Variants in GPC5 observed in about 807,000 individuals in gnomAD.
GPC5 encodes the protein glypican-5.
Under a neutral mutation model 53.9 loss-of-function variants are expected in GPC5, and 47 were observed. The ratio of observed to expected loss-of-function variants is 0.87; its 90% CI spans 0.69 to 1.11. The LOEUF (loss-of-function observed/expected upper bound fraction) is 1.11, where lower values mean the gene tolerates loss of function less well. GPC5 is among the 50% of genes most tolerant of loss of function. The pLI is 0.00. For missense variants in GPC5, 748 were observed against 713.1 expected (o/e 1.05, Z -0.56); for synonymous variants, 286 against 263.3 (o/e 1.09, Z -0.84).
At chr13:92,103,276 A>G (rs2041481269) in intron 6 of GPC5, among the ~76,000 whole-genome samples, 1 of 152,096 alleles carries the variant, frequency 6.6e-6, no homozygotes, top group African/African-American at 2.4e-5. Flanking sequence ...ATTGCTGAGA[A>G]CATAACTGAG....
At chr13:92,251,876 C>T (rs2042695055) in intron 7 of GPC5, among the ~76,000 whole-genome samples, 1 of 152,132 alleles carries the variant, frequency 6.6e-6, no homozygotes, top group South Asian at 2.1e-4. Context: ...CCAGAGGAAG[C>T]TGGTTCCCAT....
rs189698886 is a variant in GPC5 at position 92,004,104 on chromosome 13, A to T, written c.1401+96047A>T. On this transcript the variant is annotated intron_variant, in intron 6 of 7. Transcript: ENST00000377067. ...CTCAAGATTTTGTTACTGTAAAAAC[A>T]GTTTTGACTTTATTTTCCCAAAGTG... is the stretch of plus-strand genomic sequence containing the variant. Among the ~76,000 whole-genome samples the T allele has an allele frequency of 1.1e-4, 17 of 152,224 alleles. No individual in the cohort carries two copies. In the East Asian group the frequency reaches 3.1e-3, roughly 28 times the overall value.
chr13:92,639,707 C>A (rs1885525075), intron 7 of GPC5, among the ~76,000 whole-genome samples: 1 of 152,070 alleles, frequency 6.6e-6, no homozygotes, highest in African/African-American at 2.4e-5. Flanking sequence ...GCTAAGTGAG[C>A]AAAAACCAGG....
Position 91,467,249 on chromosome 13 carries a change from T to C in GPC5, c.325+18327T>C, listed in dbSNP as rs527671525. Among the ~76,000 whole-genome samples, 9 of 152,232 alleles carry C rather than the reference T, an allele frequency of 5.9e-5. No homozygotes were observed. In the East Asian group the frequency reaches 1.7e-3, roughly 29 times the overall value. ...ATTGGGGAAGAAAGTTGGAAAAAAGTCCTGAAAACGGTGACATTAGGTGAA... is the reference window on the plus strand; with the variant it reads ...ATTGGGGAAGAAAGTTGGAAAAAAGCCCTGAAAACGGTGACATTAGGTGAA... On this transcript the variant is annotated intron_variant, in intron 2 of 7. Coordinates refer to ENST00000377067, the MANE Select transcript of GPC5 (RefSeq NM_004466.6).
chr13:92,834,408 C>T (rs916595415), intron 7 of GPC5, among the ~76,000 whole-genome samples: 1 of 152,070 alleles, frequency 6.6e-6, no homozygotes, highest in East Asian at 1.9e-4. Context: ...CCAAAAATTG[C>T]TTCTACTAAC....
chr13:92,527,210 A>AGAAAG (rs1491219709), intron 7 of GPC5, among the ~76,000 whole-genome samples: 6 of 32,364 alleles, frequency 1.9e-4, no homozygotes, highest in South Asian at 1.5e-3. Flanking sequence ...AGAAAGAAAG[A>AGAAAG]AAGAAAGAAA....
At chr13:91,941,535 A>G (rs952901485) in intron 6 of GPC5, among the ~76,000 whole-genome samples, 2 of 152,090 alleles carry the variant, frequency 1.3e-5, no homozygotes, top group Non-Finnish European at 2.9e-5. Context: ...TCTGGGCAAC[A>G]TTCTCCTCCA....
chr13:92,481,711 T>C (rs995029757), intron 7 of GPC5, among the ~76,000 whole-genome samples: 2 of 152,116 alleles, frequency 1.3e-5, no homozygotes, highest in African/African-American at 4.8e-5. Context: ...TTTCCTTTCT[T>C]TTCTAAGATC....
chr13:91,922,373 CT>C (rs2039724109), intron 6 of GPC5, among the ~76,000 whole-genome samples: 1 of 152,104 alleles, frequency 6.6e-6, no homozygotes, highest in Non-Finnish European at 1.5e-5. Context: ...GGTCTTCCAT[CT>C]TTACAGCCTC....
chr13:92,798,669 C>A (rs1876792277), intron 7 of GPC5, among the ~76,000 whole-genome samples: 1 of 151,774 alleles, frequency 6.6e-6, no homozygotes, highest in Non-Finnish European at 1.5e-5. Context: ...AAGTATGATT[C>A]TCTTGCTGTT....
intron 4 of GPC5, among the ~76,000 whole-genome samples, chr13:91,741,523 T>A (rs908023701): frequency 6.6e-6 from 1 of 152,176 alleles, no homozygotes; most frequent in Non-Finnish European, 1.5e-5. Context: ...AAATTTTAAA[T>A]GTTTATTCAG....
intron 7 of GPC5, among the ~76,000 whole-genome samples, chr13:92,378,810 G>C (rs1299104275): frequency 6.6e-6 from 1 of 152,018 alleles, no homozygotes; most frequent in African/African-American, 2.4e-5. Context: ...GTATAATATA[G>C]TTTATGGCAT....
intron 6 of GPC5, among the ~76,000 whole-genome samples, chr13:92,023,744 G>T (rs7490654): frequency 0.12 from 18,459 of 149,412 alleles, 1,337 homozygotes; most frequent in Admixed American, 0.19. Context: ...TTTATCAATA[G>T]AAATATATTT....
chr13:91,663,241 T>C (rs1366752081), intron 2 of GPC5, among the ~76,000 whole-genome samples: 1 of 152,186 alleles, frequency 6.6e-6, no homozygotes, highest in Non-Finnish European at 1.5e-5. Context: ...TTCCTAATAT[T>C]TTGCCAGGTT....
intron 2 of GPC5, among the ~76,000 whole-genome samples, chr13:91,650,892 C>T (rs1296110319): frequency 1.3e-5 from 2 of 151,586 alleles, no homozygotes; most frequent in Non-Finnish European, 2.9e-5. Flanking sequence ...TTGGTGCCTT[C>T]TATCCAGCAA....
intron 7 of GPC5, among the ~76,000 whole-genome samples, chr13:92,203,045 A>G (rs1205696753): frequency 6.6e-6 from 1 of 152,162 alleles, no homozygotes; most frequent in Non-Finnish European, 1.5e-5. Context: ...AGCTTAAATA[A>G]ATATTCACCC....
intron 7 of GPC5, among the ~76,000 whole-genome samples, chr13:92,316,963 G>T (rs2043183536): frequency 1.3e-5 from 2 of 152,054 alleles, no homozygotes; most frequent in African/African-American, 4.8e-5. Context: ...CTAATGAACT[G>T]TTATCTTTTC....
At chr13:92,744,853 C>T (rs555698568) in intron 7 of GPC5, among the ~76,000 whole-genome samples, 2 of 151,948 alleles carry the variant, frequency 1.3e-5, no homozygotes, top group African/African-American at 2.4e-5. Context: ...AAAAGATGGC[C>T]AGATGGATAG....
At chr13:92,715,090 A>C (rs936006151) in intron 7 of GPC5, among the ~76,000 whole-genome samples, 1 of 152,190 alleles carries the variant, frequency 6.6e-6, no homozygotes, top group African/African-American at 2.4e-5. Flanking sequence ...TTGGTTAAGC[A>C]ACATAGTAAC....
Sources: allele counts gnomAD v4.1 joint callset (sites outside exome capture counted in the v4.1 genomes callset), GRCh38; gene constraint gnomAD v4.1.1; transcripts MANE v1.5; gene names NCBI Gene and HGNC (gene_info 2026-07-23, HGNC 2026-07-21).